The following MALRD1 variants were observed in gnomAD, a reference collection of about 807,000 sequenced individuals.
MALRD1 encodes MAM and LDL receptor class A domain containing 1, also known as MAM and LDL-receptor class A domain-containing protein 1.
MALRD1 carries 247 observed loss-of-function variants against 242.1 expected under a neutral mutation model. The observed-to-expected ratio is 1.02, with a 90% confidence interval of 0.92 to 1.13. The LOEUF is 1.13. MALRD1 is among the 50% of genes most tolerant of loss of function. The pLI is 0.00. For synonymous variants in MALRD1, 995 were observed against 866.6 expected, an observed-to-expected ratio of 1.15 and a Z score of -2.60; for missense variants, 2,989 against 2,533.1, an observed-to-expected ratio of 1.18 and a Z score of -3.86.
At chr10:19,344,544 C>A (rs776131322) in intron 24 of MALRD1, among the ~76,000 whole-genome samples, 6 of 151,978 alleles carry the variant, frequency 3.9e-5, no homozygotes, top group Admixed American at 6.6e-5. Flanking sequence ...GTCTGGTTAA[C>A]TAAAGCTGTA....
At chr10:19,696,120 G>T (rs1052642446) in intron 38 of MALRD1, among the ~76,000 whole-genome samples, 15 of 152,060 alleles carry the variant, frequency 9.9e-5, no homozygotes, top group African/African-American at 2.9e-4. Flanking sequence ...GCAAAACAGG[G>T]GCCAAGAGCT....
In MALRD1 at chr10:19,616,054, A is replaced by G. The variant is rs143034139; in HGVS notation, c.6137+131A>G. The G allele has an allele frequency of 2.6e-4, 157 of 592,624 alleles. No individual in the cohort carries two copies. The African/African-American group carries it at 2.7e-3, about 10-fold the overall frequency. 36.7% of individuals were successfully genotyped at this position (592,624 alleles called of 1,614,324 possible). On this transcript the variant is annotated intron_variant, in intron 36 of 39. Coordinates refer to ENST00000454679, the MANE Select transcript of MALRD1 (RefSeq NM_001142308.3). ...GGTAAAAATAGTGGATAATGGTACT[A>G]TTTACATTTATCTGTCTGAATAAGG...
intron 26 of MALRD1, among the ~76,000 whole-genome samples, chr10:19,381,405 C>A (rs1405101103): frequency 6.6e-6 from 1 of 152,052 alleles, no homozygotes; most frequent in Non-Finnish European, 1.5e-5. Context: ...TTAATAGAGT[C>A]TTTTGGTGAC....
intron 14 of MALRD1, among the ~76,000 whole-genome samples, chr10:19,178,812 G>A (rs1214980292): frequency 1.3e-5 from 2 of 152,094 alleles, no homozygotes; most frequent in Admixed American, 6.6e-5. Context: ...TGCCCAAAGG[G>A]AGCACATGAA....
At chr10:19,125,337 CTT>C (rs1837237898) in intron 7 of MALRD1, among the ~76,000 whole-genome samples, 14 of 80,552 alleles carry the variant, frequency 1.7e-4, no homozygotes, top group Admixed American at 1.3e-3. Context: ...TTCTTTCTTT[CTT>C]TCTTTCTTTC....
intron 18 of MALRD1, among the ~76,000 whole-genome samples, chr10:19,220,004 A>T (rs1042438026): frequency 1.3e-5 from 2 of 152,130 alleles, no homozygotes; most frequent in African/African-American, 2.4e-5. Flanking sequence ...AACAATTTTA[A>T]ACCTAGACAG....
At chr10:19,511,622 T>A (rs975271944) in intron 31 of MALRD1, among the ~76,000 whole-genome samples, 7 of 152,310 alleles carry the variant, frequency 4.6e-5, no homozygotes, top group East Asian at 1.9e-4. Flanking sequence ...AATCTAAAAG[T>A]CTAACCCTAT....
intron 18 of MALRD1, among the ~76,000 whole-genome samples, chr10:19,221,820 G>A (rs1837565076): frequency 6.6e-6 from 1 of 151,970 alleles, no homozygotes; most frequent in African/African-American, 2.4e-5. Context: ...GATTAATGTG[G>A]ACTAGTGATA....
At chr10:19,207,323 C>T (rs1018799175) in intron 17 of MALRD1, among the ~76,000 whole-genome samples, 82 of 152,198 alleles carry the variant, frequency 5.4e-4, no homozygotes, top group African/African-American at 1.9e-3. Context: ...AAAATTGACA[C>T]GTTCCTATAT....
chr10:19,333,263 G>A (rs1843466517), intron 24 of MALRD1, among the ~76,000 whole-genome samples: 1 of 152,050 alleles, frequency 6.6e-6, no homozygotes, highest in Non-Finnish European at 1.5e-5. Flanking sequence ...AGTGAGCATA[G>A]GACACAATAG....
intron 4 of MALRD1, among the ~76,000 whole-genome samples, chr10:19,103,029 A>G (rs1433608634): frequency 1.3e-5 from 2 of 151,650 alleles, no homozygotes; most frequent in Non-Finnish European, 2.9e-5. Flanking sequence ...TTGTATTTTT[A>G]GTAGAGACGG....
At chr10:19,254,952 A>G (rs992584109) in intron 18 of MALRD1, among the ~76,000 whole-genome samples, 1 of 152,004 alleles carries the variant, frequency 6.6e-6, no homozygotes, top group Non-Finnish European at 1.5e-5. Context: ...TTTTTATATC[A>G]TTTAAAATTT....
At chr10:19,288,116 A>T in intron 21 of MALRD1, among the ~76,000 whole-genome samples, 1 of 151,828 alleles carries the variant, frequency 6.6e-6, no homozygotes, top group East Asian at 1.9e-4. Context: ...TCACTCTGCC[A>T]CACAGGCTGG....
At chr10:19,715,787 G>T (rs574104099) in intron 38 of MALRD1, among the ~76,000 whole-genome samples, 78 of 152,350 alleles carry the variant, frequency 5.1e-4, no homozygotes, top group African/African-American at 1.8e-3. Context: ...GGGGAAACTG[G>T]TGCATCACAT....
At chr10:19,386,783 C>T (rs1426749647) in intron 26 of MALRD1, among the ~76,000 whole-genome samples, 1 of 151,838 alleles carries the variant, frequency 6.6e-6, no homozygotes, top group Non-Finnish European at 1.5e-5. Flanking sequence ...GGATTTTGCT[C>T]TTTTTTTCTC....
intron 18 of MALRD1, among the ~76,000 whole-genome samples, chr10:19,239,685 A>T (rs1838671082): frequency 6.6e-6 from 1 of 152,180 alleles, no homozygotes; most frequent in Admixed American, 6.6e-5. Context: ...ATAAGGTAAA[A>T]GATAGGGGTC....
intron 29 of MALRD1, among the ~76,000 whole-genome samples, chr10:19,465,847 A>G (rs549419569): frequency 8.5e-5 from 13 of 152,304 alleles, no homozygotes; most frequent in Non-Finnish European, 1.9e-4. Flanking sequence ...GTCTGTGGAT[A>G]TCTTTCCCTG....
intron 14 of MALRD1, among the ~76,000 whole-genome samples, chr10:19,189,922 A>G (rs1181734124): frequency 6.6e-6 from 1 of 152,276 alleles, no homozygotes; most frequent in African/African-American, 2.4e-5. Context: ...ATGTCCATCC[A>G]TATCCATGTT....
At chr10:19,120,347 T>C (rs1837018412) in intron 5 of MALRD1, among the ~76,000 whole-genome samples, 1 of 152,110 alleles carries the variant, frequency 6.6e-6, no homozygotes, top group Non-Finnish European at 1.5e-5. Context: ...ATATGTCAAA[T>C]ATGTTGATGA....
Sources: gnomAD v4.1 joint callset for allele counts (sites outside exome capture counted in the v4.1 genomes callset) on GRCh38, gnomAD v4.1.1 for gene constraint, MANE v1.5 for transcripts, NCBI Gene and HGNC (gene_info 2026-07-23, HGNC 2026-07-21) for gene names.